The following CDC16 variants were observed in gnomAD, a reference collection of about 807,000 sequenced individuals.
CDC16 encodes the protein cell division cycle 16.
In CDC16, 34 loss-of-function variants were observed where a neutral mutation model predicts 87.0. The observed-to-expected ratio is 0.39, with a 90% CI of 0.30 to 0.52. CDC16 has a LOEUF of 0.52. Ranked by LOEUF, CDC16 falls within the 20% of genes least tolerant of loss-of-function variation. The pLI is 0.74. For missense variants in CDC16, 653 were observed against 751.9 expected (o/e 0.87, Z 1.54); for synonymous variants, 263 against 260.6 (o/e 1.01, Z -0.09).
intron 1 of CDC16, among the ~76,000 whole-genome samples, chr13:114,236,054 C>A (rs1348883685): frequency 1.3e-5 from 2 of 152,214 alleles, no homozygotes; most frequent in Non-Finnish European, 2.9e-5. Context: ...GACTGAGGAG[C>A]AGAACAGGGT....
intron 12 of CDC16, among the ~76,000 whole-genome samples, chr13:114,256,611 A>G (rs1029049297): frequency 1.3e-5 from 2 of 152,368 alleles, no homozygotes; most frequent in Non-Finnish European, 2.9e-5. Context: ...ACTCTTCTGC[A>G]TAGAACTGAT....
At position 114,242,101 on chromosome 13, in the gene CDC16, ACT is replaced by A. The variant is rs775228517; in HGVS notation, c.382-18_382-17del. On this transcript the variant is annotated intron_variant, in intron 5 of 17. Transcript: ENST00000356221. Reference sequence around the variant, plus strand: ...TTTAAAAGTACTGACTTAATATGTGACTCATCATTTTTCCAACAGATAAAGAG... The same window carrying A: ...TTTAAAAGTACTGACTTAATATGTGACATCATTTTTCCAACAGATAAAGAG... The A allele has an allele frequency of 7.6e-6, 12 of 1,587,958 alleles. No individual in the cohort carries two copies. The highest frequency in any genetic ancestry group is 7.7e-6 in the Non-Finnish European group (9 of 1,171,768).
intron 13 of CDC16, among the ~76,000 whole-genome samples, chr13:114,258,286 T>C: frequency 6.6e-6 from 1 of 152,254 alleles, no homozygotes. Flanking sequence ...CTGAGGTGCT[T>C]TCTGAGCCAT....
intron 17 of CDC16, among the ~76,000 whole-genome samples, chr13:114,270,064 A>T (rs2083511145): frequency 6.6e-6 from 1 of 152,210 alleles, no homozygotes; most frequent in South Asian, 2.1e-4. Context: ...ATTTATAGGA[A>T]GATTAGTGTA....
chr13:114,272,193 T>C lies in CDC16; in HGVS notation c.1613T>C (p.Ile538Thr). ...GDSEAYIGAD[I>T]KDKLKCYDFD... is the part of the protein sequence containing the mutation. Reference sequence around the variant, plus strand: ...TAGTATTTCTTTTTAGGAGCAGACATTAAAGACAAATTAAAATGTTATGAC... The same window carrying C: ...TAGTATTTCTTTTTAGGAGCAGACACTAAAGACAAATTAAAATGTTATGAC... The change falls in exon 18 of 18, where the codon ATT (isoleucine) becomes ACT (threonine). Residue 538 changes from isoleucine (I) to threonine (T), a missense_variant. Ile to Thr is a moderately conservative substitution (Grantham distance 89, BLOSUM62 -1). Coordinates refer to ENST00000356221, the MANE Select transcript of CDC16 (RefSeq NM_001078645.3). 6.5e-7 allele frequency: 1 copy of C among 1,527,930 alleles called. No individual in the cohort carries two copies. 94.6% of individuals were successfully genotyped at this position (1,527,930 alleles called of 1,614,324 possible). A position where few individuals can be genotyped will look rare whatever the true frequency, so the allele number is the denominator to read the frequency against.
chr13:114,265,212 G>A lies in CDC16; in HGVS notation c.1575G>A (p.Met525Ile). The A allele has an allele frequency of 1.2e-6, 2 of 1,609,730 alleles. No homozygotes were observed. Among genetic ancestry groups the A allele is most frequent in the Non-Finnish European group, 1.7e-6 (2 of 1,176,038 alleles). Residue 525 changes from methionine (M) to isoleucine (I), a missense_variant, in exon 17 of 18, where the codon ATG (methionine) becomes ATA (isoleucine). By Grantham distance (10) the Met-to-Ile change is conservative (BLOSUM62 1). Transcript: ENST00000356221. Reference sequence around the variant, plus strand: ...CAATGCTTGGTCATTGCATCGAAATGTACATTGGTGATTCTGAAGCTTATA... The same window carrying A: ...CAATGCTTGGTCATTGCATCGAAATATACATTGGTGATTCTGAAGCTTATA... The part of the protein sequence containing the change: ...SVTMLGHCIE[M>I]YIGDSEAYIG...
intron 16 of CDC16, chr13:114,264,836 G>T: frequency 4.7e-6 from 1 of 214,976 alleles, no homozygotes; most frequent in Admixed American, 5.1e-5. Flanking sequence ...TCGAACTCCT[G>T]AGCCCAGGTG....
chr13:114,239,511 A>G, intron 5 of CDC16, 21 bp downstream of exon 5: 1 of 1,531,308 alleles, frequency 6.5e-7, no homozygotes, highest in Non-Finnish European at 8.9e-7. Context: ...CTGTGAGCAC[A>G]GCTCAGTAAC....
chr13:114,246,063 C>T lies in CDC16; in HGVS notation c.897+14C>T, dbSNP rs749479640. On this transcript the variant is annotated intron_variant, in intron 10 of 17. Coordinates refer to ENST00000356221, the MANE Select transcript of CDC16 (RefSeq NM_001078645.3). ...CCTAGTAATCCTGTAAGTAATATAA[C>T]TTTTAGTCTTAGTTTTTTTTTTTTT... 2.4e-6 allele frequency: 3 copies of T among 1,248,356 alleles called. No individual in the cohort carries two copies. The highest frequency in any genetic ancestry group is 3.1e-5 in the African/African-American group (2 of 64,666). 77.3% of individuals were successfully genotyped at this position (1,248,356 alleles called of 1,614,324 possible). A position where few individuals can be genotyped will look rare whatever the true frequency, so the allele number is the denominator to read the frequency against.
At chr13:114,260,489 A>G (rs962153706) in intron 14 of CDC16, among the ~76,000 whole-genome samples, 2 of 152,214 alleles carry the variant, frequency 1.3e-5, no homozygotes, top group Non-Finnish European at 2.9e-5. Flanking sequence ...TCTCAGACCA[A>G]CTGAATCAAA....
intron 17 of CDC16, 29 bp downstream of exon 17, chr13:114,265,269 T>C: frequency 7.2e-7 from 1 of 1,390,726 alleles, no homozygotes; most frequent in Non-Finnish European, 1.0e-6. Context: ...TTATTGGTAT[T>C]GTACTCCATT....
chr13:114,264,979 C>T, intron 16 of CDC16, 171 bp from the exon 17 acceptor site: 1 of 562,312 alleles, frequency 1.8e-6, no homozygotes. Flanking sequence ...GTGTGATGAA[C>T]CTCCATGACC....
intron 1 of CDC16, among the ~76,000 whole-genome samples, chr13:114,236,199 AGT>A (rs2081244063): frequency 2.0e-5 from 3 of 152,260 alleles, no homozygotes; most frequent in Non-Finnish European, 2.9e-5. Flanking sequence ...TTTAAACTTG[AGT>A]GTTATTAAAA....
Position 114,246,897 on chromosome 13 carries a change from A to C in CDC16, c.898-34A>C, listed in dbSNP as rs774055135. 4 of 1,369,314 alleles carry C rather than the reference A, an allele frequency of 2.9e-6. No homozygotes were observed. The African/African-American group carries it at 5.7e-5, about 20-fold the overall frequency. The allele number at this position is 1,369,314 out of a possible 1,614,324, so 84.8% of individuals were successfully genotyped here. A position where few individuals can be genotyped will look rare whatever the true frequency, so the allele number is the denominator to read the frequency against. ...GATTCCAATTAGATATTCCAATTCC[A>C]ATCTTTGTTTATGGTAAATTTTGAA... is the stretch of plus-strand genomic sequence containing the variant. On this transcript the variant is annotated intron_variant, in intron 10 of 17. Transcript: ENST00000356221.
chr13:114,255,791 T>C (rs773741477), intron 12 of CDC16, among the ~76,000 whole-genome samples: 1 of 152,100 alleles, frequency 6.6e-6, no homozygotes, highest in Non-Finnish European at 1.5e-5. Flanking sequence ...TACAAGCCCA[T>C]ACCACCACGC....
At chr13:114,271,581 TCTC>T (rs903722244) in intron 17 of CDC16, among the ~76,000 whole-genome samples, 10 of 151,986 alleles carry the variant, frequency 6.6e-5, no homozygotes, top group Admixed American at 5.2e-4. Context: ...TTCATGCCAT[TCTC>T]CTGCCTCAGC....
chr13:114,249,513 T>C (rs1278141563), intron 11 of CDC16, among the ~76,000 whole-genome samples: 1 of 152,176 alleles, frequency 6.6e-6, no homozygotes, highest in East Asian at 1.9e-4. Flanking sequence ...AAAAGAAAAC[T>C]TAAAATACAA....
At chr13:114,240,964 T>C (rs1022981851) in intron 5 of CDC16, among the ~76,000 whole-genome samples, 12 of 152,248 alleles carry the variant, frequency 7.9e-5, no homozygotes, top group Admixed American at 7.9e-4. Flanking sequence ...TCCTAGGATA[T>C]TGCTTAGTTC....
Position 114,265,024 on chromosome 13 carries a change from AGTCATGTAGCTATGTCT to A in CDC16, c.1513-124_1513-108del, listed in dbSNP as rs1594675955. ...CTTCAACAATCTTTGGTTCATGGCC[AGTCATGTAGCTATGTCT>A]GGCCACTTCCCCCACCCTGGATGCC... On this transcript the variant is annotated intron_variant, in intron 16 of 17. Coordinates refer to ENST00000356221, the MANE Select transcript of CDC16 (RefSeq NM_001078645.3). 5.7e-6 allele frequency: 4 copies of A among 697,124 alleles called. No homozygotes were observed. The East Asian group carries it at 1.0e-4, about 18-fold the overall frequency. 43.2% of individuals were successfully genotyped at this position (697,124 alleles called of 1,614,324 possible).
Sources: allele counts gnomAD v4.1 joint callset (sites outside exome capture counted in the v4.1 genomes callset), GRCh38; gene constraint gnomAD v4.1.1; transcripts MANE v1.5; gene names NCBI Gene and HGNC (gene_info 2026-07-23, HGNC 2026-07-21).